FAM168A: variants seen among roughly 807,000 people sequenced by gnomAD.
FAM168A encodes the protein family with sequence similarity 168 member A.
A neutral mutation model predicts 28.5 loss-of-function variants in FAM168A; 3 were observed. That is an observed-to-expected ratio of 0.11 (90% CI 0.05 to 0.27). FAM168A has a LOEUF of 0.27. Ranked by LOEUF, FAM168A falls within the 10% of genes least tolerant of loss-of-function variation. The pLI, the probability that FAM168A is intolerant of heterozygous loss-of-function variation, is 1.00. For missense variants in FAM168A, 222 were observed against 311.5 expected, an observed-to-expected ratio of 0.71 and a Z score of 2.16; for synonymous variants, 122 against 124.2, an observed-to-expected ratio of 0.98 and a Z score of 0.12.
intron 7 of FAM168A, 31 bp downstream of exon 7, chr11:73,407,482 C>G (rs760764427): frequency 6.8e-7 from 1 of 1,466,166 alleles, no homozygotes. Context: ...ATGTATCCCC[C>G]TCCCACTTCT....
intron 1 of FAM168A, among the ~76,000 whole-genome samples, chr11:73,518,707 C>T (rs1021166808): frequency 2.0e-5 from 3 of 151,974 alleles, no homozygotes; most frequent in African/African-American, 7.3e-5. Context: ...ACCAGCCTGG[C>T]CAACATGGTG....
At chr11:73,586,244 G>A (rs1944312669) in intron 1 of FAM168A, among the ~76,000 whole-genome samples, 1 of 152,062 alleles carries the variant, frequency 6.6e-6, no homozygotes, top group African/African-American at 2.4e-5. Flanking sequence ...GCCTGCATAG[G>A]CTCAACATCT....
At chr11:73,502,026 C>T (rs973279651) in intron 1 of FAM168A, among the ~76,000 whole-genome samples, 3 of 149,922 alleles carry the variant, frequency 2.0e-5, no homozygotes, top group East Asian at 2.0e-4. Flanking sequence ...GCATGAACCC[C>T]GGAGGCGGAG....
At position 73,484,544 on chromosome 11, in the gene FAM168A, C is replaced by A. The variant is rs61896591; in HGVS notation, c.-18-16052G>T. Among the ~76,000 whole-genome samples, 342 of 133,968 alleles carry A rather than the reference C, an allele frequency of 2.6e-3. 2 individuals carry two copies. Among genetic ancestry groups the A allele is most frequent in the African/African-American group, 0.01 (325 of 32,350 alleles). The allele number at this position is 133,968 out of a possible 152,430, so 87.9% of individuals were successfully genotyped here. A position where few individuals can be genotyped will look rare whatever the true frequency, so the allele number is the denominator to read the frequency against. ...TATATATATCTATATATCTATATAT[C>A]TATCTATATCTATATATCTATATAT... On this transcript the variant is annotated intron_variant, in intron 1 of 7. Transcript: ENST00000356467.
intron 1 of FAM168A, among the ~76,000 whole-genome samples, chr11:73,490,568 C>A (rs1251904249): frequency 1.3e-5 from 2 of 152,240 alleles, no homozygotes; most frequent in Non-Finnish European, 2.9e-5. Context: ...GTTCCCTGTT[C>A]CCCTGCTATT....
chr11:73,430,815 C>A (rs371464702), intron 2 of FAM168A, 45 bp from the exon 3 acceptor site: 6 of 1,318,854 alleles, frequency 4.5e-6, no homozygotes, highest in East Asian at 4.9e-5. Flanking sequence ...GCAAAAAAAA[C>A]AAAACAAAAC....
intron 1 of FAM168A, among the ~76,000 whole-genome samples, chr11:73,485,636 A>T (rs796152399): frequency 1.3e-5 from 2 of 152,242 alleles, no homozygotes; most frequent in African/African-American, 4.8e-5. Context: ...TTCACTGATA[A>T]TCTGTTTGTT....
intron 1 of FAM168A, among the ~76,000 whole-genome samples, chr11:73,585,807 G>C (rs1168392082): frequency 6.8e-6 from 1 of 146,740 alleles, no homozygotes; most frequent in Non-Finnish European, 1.5e-5. Flanking sequence ...GGCAGAGGCT[G>C]CAGTGAGCCA....
chr11:73,492,157 A>G (rs1868136497), intron 1 of FAM168A, among the ~76,000 whole-genome samples: 1 of 152,192 alleles, frequency 6.6e-6, no homozygotes, highest in South Asian at 2.1e-4. Context: ...CGCCAAGCCC[A>G]ATGTTCCTCC....
intron 1 of FAM168A, among the ~76,000 whole-genome samples, chr11:73,520,637 C>T (rs1202720938): frequency 1.3e-5 from 2 of 152,094 alleles, no homozygotes; most frequent in Non-Finnish European, 2.9e-5. Flanking sequence ...ATTTTGTTAG[C>T]AGTCATCTCA....
intron 1 of FAM168A, among the ~76,000 whole-genome samples, chr11:73,567,624 G>A (rs1048662781): frequency 1.3e-5 from 2 of 152,062 alleles, no homozygotes; most frequent in Admixed American, 6.6e-5. Context: ...ACATGCAACC[G>A]AGTTGGAAAC....
intron 4 of FAM168A, among the ~76,000 whole-genome samples, chr11:73,415,232 T>G (rs1866676724): frequency 6.6e-6 from 1 of 152,218 alleles, no homozygotes; most frequent in South Asian, 2.1e-4. Context: ...AGGCCTTGCT[T>G]GTTTGTCCAG....
intron 1 of FAM168A, among the ~76,000 whole-genome samples, chr11:73,479,432 G>A (rs1011240675): frequency 6.6e-6 from 1 of 152,170 alleles, no homozygotes; most frequent in Middle Eastern, 3.2e-3. Context: ...GAATTCTACA[G>A]AGAGAGGAGG....
chr11:73,483,753 G>A (rs147715806), intron 1 of FAM168A, among the ~76,000 whole-genome samples: 13 of 152,316 alleles, frequency 8.5e-5, no homozygotes, highest in African/African-American at 2.9e-4. Context: ...CAAAGATGGT[G>A]TTCATTTGGA....
At chr11:73,570,555 A>C (rs191756568) in intron 1 of FAM168A, among the ~76,000 whole-genome samples, 44 of 152,224 alleles carry the variant, frequency 2.9e-4, no homozygotes, top group Non-Finnish European at 4.7e-4. Context: ...AAGCCTGGGC[A>C]ACATGGTGAA....
In FAM168A at chr11:73,461,054, T is replaced by C. The variant is rs989080144; in HGVS notation, c.70+7351A>G. ...TTGTTGAAAAACTAGTCAATATTCA[T>C]GGCATGCAGGGGCCTAGCTGGGTAT... On this transcript the variant is annotated intron_variant, in intron 2 of 7. Coordinates refer to ENST00000356467, the MANE Select transcript of FAM168A (RefSeq NM_015159.3). Among the ~76,000 whole-genome samples the C allele has an allele frequency of 4.6e-5, 7 of 152,278 alleles. No homozygotes were observed. In the South Asian group the frequency reaches 8.3e-4, roughly 18 times the overall value.
intron 1 of FAM168A, among the ~76,000 whole-genome samples, chr11:73,479,846 T>C (rs574069915): frequency 6.6e-6 from 1 of 152,302 alleles, no homozygotes; most frequent in East Asian, 1.9e-4. Context: ...AATGAATGGA[T>C]GGATGGATGA....
chr11:73,587,666 G>C (rs1944331570), intron 1 of FAM168A, among the ~76,000 whole-genome samples: 1 of 152,056 alleles, frequency 6.6e-6, no homozygotes, highest in African/African-American at 2.4e-5. Context: ...TCAAAAAAAA[G>C]TATTAATTTT....
chr11:73,441,895 T>A (rs907501984), intron 2 of FAM168A, among the ~76,000 whole-genome samples: 1 of 152,192 alleles, frequency 6.6e-6, no homozygotes, highest in Non-Finnish European at 1.5e-5. Context: ...TGGAGACTTC[T>A]CTCTTTTGTT....
Sources: gnomAD v4.1 joint callset for allele counts (sites outside exome capture counted in the v4.1 genomes callset) on GRCh38, gnomAD v4.1.1 for gene constraint, MANE v1.5 for transcripts, NCBI Gene and HGNC (gene_info 2026-07-23, HGNC 2026-07-21) for gene names.